The following PTBP2 variants were observed in gnomAD, a reference collection of about 807,000 sequenced individuals.
PTBP2 encodes the protein polypyrimidine tract binding protein 2.
In PTBP2, 13 loss-of-function variants were observed where a neutral mutation model predicts 61.4. The observed-to-expected ratio is 0.21, with a 90% CI of 0.14 to 0.34. The LOEUF (loss-of-function observed/expected upper bound fraction) is 0.34. PTBP2 is among the 10% of genes least tolerant of loss of function. The probability of loss-of-function intolerance (pLI) is 1.00; values close to 1 mark genes in which losing one functional copy is unlikely to be tolerated. For synonymous variants in PTBP2, 215 were observed against 218.5 expected (o/e 0.98, Z 0.14); for missense variants, 405 against 642.6 (o/e 0.63, Z 4.00).
downstream of PTBP2, chr1:96,819,260 C>G (rs1346686618): frequency 1.3e-5 from 2 of 151,990 alleles, no homozygotes; most frequent in Non-Finnish European, 2.9e-5. Flanking sequence ...CTAAGCCTTA[C>G]TGAATGATGA....
chr1:96,775,213 A>G (rs1171377109), intron 5 of PTBP2, among the ~76,000 whole-genome samples: 2 of 152,194 alleles, frequency 1.3e-5, no homozygotes, highest in Non-Finnish European at 1.5e-5. Context: ...ACTGGTGACA[A>G]CCATTTTTGA....
intron 3 of PTBP2, 66 bp from the exon 4 acceptor site, chr1:96,769,637 C>A: frequency 8.4e-7 from 1 of 1,195,424 alleles, no homozygotes; most frequent in Non-Finnish European, 1.1e-6. Context: ...TTTTTTTACA[C>A]AAATAGGAAA....
chr1:96,788,394 A>G (rs915125695), intron 8 of PTBP2, among the ~76,000 whole-genome samples: 1 of 152,044 alleles, frequency 6.6e-6, no homozygotes, highest in Admixed American at 6.6e-5. Flanking sequence ...TTTCTTCTTC[A>G]TACGTTTGGT....
At chr1:96,809,710 AG>A in intron 11 of PTBP2, among the ~76,000 whole-genome samples, 1 of 152,242 alleles carries the variant, frequency 6.6e-6, no homozygotes, top group Non-Finnish European at 1.5e-5. Context: ...TGTAGAGATG[AG>A]TTCTCACTGT....
At chr1:96,737,376 G>C (rs1336452744) in intron 2 of PTBP2, among the ~76,000 whole-genome samples, 1 of 152,084 alleles carries the variant, frequency 6.6e-6, no homozygotes, top group Non-Finnish European at 1.5e-5. Context: ...AGATAAGCTT[G>C]CATTTTAAAA....
In PTBP2 at chr1:96,743,738, C is replaced by T. The variant is rs528855949; in HGVS notation, c.40-7687C>T. Among the ~76,000 whole-genome samples, 12 of 152,160 alleles carry T rather than the reference C, an allele frequency of 7.9e-5. No individual in the cohort carries two copies. The East Asian group carries it at 1.9e-3, about 24-fold the overall frequency. On this transcript the variant is annotated intron_variant, in intron 2 of 13. Coordinates refer to ENST00000674951, the MANE Select transcript of PTBP2 (RefSeq NM_021190.4). Reference sequence around the variant, plus strand: ...TCCTTTTTGTTGCTGTTAGTATCGTCGCAACAGCAAAGAGTTTAATAACAT... The same window carrying T: ...TCCTTTTTGTTGCTGTTAGTATCGTTGCAACAGCAAAGAGTTTAATAACAT...
chr1:96,816,615 GATTAA>G (rs1357535433), downstream of PTBP2: 8 of 152,230 alleles, frequency 5.3e-5, no homozygotes, highest in East Asian at 3.9e-4. Flanking sequence ...TTATATTAGA[GATTAA>G]ATTAACACTT....
chr1:96,754,070 G>A (rs929221609), intron 3 of PTBP2, among the ~76,000 whole-genome samples: 6 of 152,090 alleles, frequency 3.9e-5, no homozygotes, highest in African/African-American at 1.4e-4. Flanking sequence ...AACTCCTCAT[G>A]TAGGCTAAAT....
intron 7 of PTBP2, among the ~76,000 whole-genome samples, chr1:96,783,769 C>G (rs562011548): frequency 6.6e-6 from 1 of 152,030 alleles, no homozygotes; most frequent in South Asian, 2.1e-4. Flanking sequence ...ACCTTTACAC[C>G]AGGGTATTCA....
intron 3 of PTBP2, among the ~76,000 whole-genome samples, chr1:96,764,474 T>TAGAA (rs780477624): frequency 7.9e-5 from 12 of 152,220 alleles, no homozygotes; most frequent in Admixed American, 3.3e-4. Context: ...AATATCCCTT[T>TAGAA]AGGTATACAT....
At chr1:96,732,526 ACT>A (rs1309459739) in intron 2 of PTBP2, among the ~76,000 whole-genome samples, 1 of 152,188 alleles carries the variant, frequency 6.6e-6, no homozygotes, top group Non-Finnish European at 1.5e-5. Flanking sequence ...ATATTTAATA[ACT>A]CTTAGAAGTG....
intron 11 of PTBP2, among the ~76,000 whole-genome samples, chr1:96,807,509 A>G (rs1478299575): frequency 6.6e-6 from 1 of 152,234 alleles, no homozygotes; most frequent in Non-Finnish European, 1.5e-5. Flanking sequence ...GACTTCATAC[A>G]TCCTCGAATA....
intron 5 of PTBP2, among the ~76,000 whole-genome samples, chr1:96,772,917 C>T (rs1248160313): frequency 6.7e-6 from 1 of 148,998 alleles, no homozygotes; most frequent in East Asian, 2.0e-4. Context: ...GTTCAAGACC[C>T]GCCTGACCAA....
chr1:96,758,602 T>C (rs1427642754), intron 3 of PTBP2, among the ~76,000 whole-genome samples: 1 of 152,076 alleles, frequency 6.6e-6, no homozygotes, highest in Non-Finnish European at 1.5e-5. Flanking sequence ...TCAGTGTAAT[T>C]TGTCACAATG....
intron 3 of PTBP2, among the ~76,000 whole-genome samples, chr1:96,758,835 T>A (rs898642781): frequency 2.0e-5 from 3 of 152,052 alleles, no homozygotes; most frequent in African/African-American, 7.2e-5. Flanking sequence ...ATAAAAGACA[T>A]AAAGATTGTA....
rs1338216845 is a variant in PTBP2 at position 96,721,817 on chromosome 1, T to G, written c.-48T>G. ...TTTTCTCGCCGCTTGTGTGGCTCGC[T>G]GGCTGCGTGGCTCGGTTCTTGTGAG... On this transcript the variant is annotated 5_prime_UTR_variant, in exon 1 of 14. Transcript: ENST00000674951. The G allele has an allele frequency of 3.2e-6, 5 of 1,554,004 alleles. No individual in the cohort carries two copies. The highest frequency in any genetic ancestry group is 4.4e-6 in the Non-Finnish European group (5 of 1,148,354).
At chr1:96,764,812 A>G (rs538653477) in intron 3 of PTBP2, among the ~76,000 whole-genome samples, 6 of 152,336 alleles carry the variant, frequency 3.9e-5, no homozygotes, top group Admixed American at 1.3e-4. Flanking sequence ...GGGTTTTAAC[A>G]ACTTATCTTC....
At chr1:96,810,636 T>TCTG (rs763293611) in intron 11 of PTBP2, among the ~76,000 whole-genome samples, 68 of 152,298 alleles carry the variant, frequency 4.5e-4, no homozygotes, top group Admixed American at 7.2e-4. Context: ...ATCTCAAAGC[T>TCTG]CTGCTGTTTG....
intron 2 of PTBP2, among the ~76,000 whole-genome samples, chr1:96,747,811 T>C (rs1418402409): frequency 6.6e-6 from 1 of 152,256 alleles, no homozygotes; most frequent in Middle Eastern, 3.4e-3. Context: ...CTTGGCTATG[T>C]GGTCTGTTGA....
Sources: allele counts gnomAD v4.1 joint callset (sites outside exome capture counted in the v4.1 genomes callset), GRCh38; gene constraint gnomAD v4.1.1; transcripts MANE v1.5; gene names NCBI Gene and HGNC (gene_info 2026-07-23, HGNC 2026-07-21).